Variants in PTPRN2 observed in about 807,000 individuals in gnomAD.
The protein encoded by PTPRN2 is protein tyrosine phosphatase receptor type N2, also known as receptor-type tyrosine-protein phosphatase N2.
Under a neutral mutation model 118.8 loss-of-function variants are expected in PTPRN2, and 74 were observed. That is an observed-to-expected ratio of 0.62 (90% CI 0.52 to 0.76). The LOEUF is 0.76. Among genes scored for constraint, PTPRN2 ranks in the 30% least tolerant of loss-of-function variants. The pLI is 0.00. For missense variants in PTPRN2, 1,481 were observed against 1,394.4 expected (o/e 1.06, Z -0.99); for synonymous variants, 641 against 608.0 (o/e 1.05, Z -0.80).
intron 14 of PTPRN2, among the ~76,000 whole-genome samples, chr7:157,638,109 A>G (rs184301119): frequency 6.6e-6 from 1 of 152,380 alleles, no homozygotes; most frequent in Non-Finnish European, 1.5e-5. Context: ...AAAGGGGAAC[A>G]AAACAACTGA....
rs76232094 is a variant in PTPRN2 at position 157,959,820 on chromosome 7, T to C, written c.1724-61083A>G. Among the ~76,000 whole-genome samples the C allele has an allele frequency of 0.011, 1,710 of 152,356 alleles. 166 individuals carry two copies. The East Asian group carries it at 0.24, about 22-fold the overall frequency. ...ATAGAATTACCATTTGACCCCACAA[T>C]TCCACGTGAGGTAAACACTCAAGTA... On this transcript the variant is annotated intron_variant, in intron 11 of 22. Coordinates refer to ENST00000389418, the MANE Select transcript of PTPRN2 (RefSeq NM_002847.5).
chr7:158,144,182 G>A (rs1414855140), intron 6 of PTPRN2, among the ~76,000 whole-genome samples: 1 of 152,176 alleles, frequency 6.6e-6, no homozygotes, highest in Non-Finnish European at 1.5e-5. Flanking sequence ...AAATGTTCTC[G>A]AATTCGGCAT....
At chr7:158,116,708 G>A (rs906660328) in intron 9 of PTPRN2, among the ~76,000 whole-genome samples, 27 of 152,056 alleles carry the variant, frequency 1.8e-4, no homozygotes, top group African/African-American at 5.6e-4. Context: ...TGACTTACAG[G>A]GGATTTAAAA....
At chr7:158,375,590 C>G (rs894242790) in intron 2 of PTPRN2, among the ~76,000 whole-genome samples, 8 of 152,252 alleles carry the variant, frequency 5.3e-5, no homozygotes, top group African/African-American at 1.7e-4. Flanking sequence ...AGGCCCCGCC[C>G]TCAAGCCTGG....
intron 12 of PTPRN2, among the ~76,000 whole-genome samples, chr7:157,811,020 C>T (rs1442522043): frequency 1.3e-5 from 2 of 152,030 alleles, no homozygotes; most frequent in Non-Finnish European, 2.9e-5. Flanking sequence ...GCCTGTAATC[C>T]TAGCACTTTG....
At chr7:157,724,543 T>C (rs1311150074) in intron 12 of PTPRN2, among the ~76,000 whole-genome samples, 2 of 152,186 alleles carry the variant, frequency 1.3e-5, no homozygotes, top group African/African-American at 4.8e-5. Flanking sequence ...CCGGTGCAAG[T>C]CGAAATGTGC....
chr7:157,849,514 C>T (rs1529838), intron 12 of PTPRN2, among the ~76,000 whole-genome samples: 98,529 of 152,056 alleles, frequency 0.65, 32,910 homozygotes, highest in East Asian at 0.95. Context: ...GAGTGACCAG[C>T]CTGGGCCAAC....
At chr7:158,292,734 T>A (rs1800204806) in intron 3 of PTPRN2, among the ~76,000 whole-genome samples, 1 of 152,214 alleles carries the variant, frequency 6.6e-6, no homozygotes. Flanking sequence ...TATCTGTGTA[T>A]CATCTATACA....
intron 13 of PTPRN2, among the ~76,000 whole-genome samples, chr7:157,667,280 G>A (rs1359829031): frequency 7.0e-6 from 1 of 141,872 alleles, no homozygotes; most frequent in Non-Finnish European, 1.5e-5. Flanking sequence ...CACTCGGCCC[G>A]TGGGACACTG....
intron 2 of PTPRN2, among the ~76,000 whole-genome samples, chr7:158,333,661 G>C (rs10231508): frequency 0.02 from 3,041 of 151,196 alleles, 124 homozygotes; most frequent in African/African-American, 0.071. Context: ...CTCACCATAA[G>C]AGCTGACACC....
chr7:158,444,453 C>T (rs923372576), intron 2 of PTPRN2, among the ~76,000 whole-genome samples: 4 of 152,376 alleles, frequency 2.6e-5, no homozygotes, highest in Middle Eastern at 3.4e-3. Flanking sequence ...CTGCTGCAAA[C>T]GTCAGTTTGA....
At chr7:158,069,675 G>C (rs912336259) in intron 11 of PTPRN2, among the ~76,000 whole-genome samples, 1 of 152,204 alleles carries the variant, frequency 6.6e-6, no homozygotes. Context: ...CTTACTGTCT[G>C]CTTGTAGCCA....
chr7:158,503,699 T>C lies in PTPRN2; in HGVS notation c.113-13914A>G, dbSNP rs1822540452. On this transcript the variant is annotated intron_variant, in intron 1 of 22. Coordinates refer to ENST00000389418, the MANE Select transcript of PTPRN2 (RefSeq NM_002847.5). ...ACTCACTCTGTCTGCACCTGTTCACTTGAAACATTATTGGGAACTGGCCAG... is the reference window on the plus strand; with the variant it reads ...ACTCACTCTGTCTGCACCTGTTCACCTGAAACATTATTGGGAACTGGCCAG... 3.9e-5 allele frequency among the ~76,000 whole-genome samples: 6 copies of C among 152,346 alleles called. No homozygotes were observed. In the South Asian group the frequency reaches 1.2e-3, roughly 32 times the overall value.
intron 1 of PTPRN2, among the ~76,000 whole-genome samples, chr7:158,515,466 C>G (rs1321676757): frequency 3.9e-5 from 6 of 152,168 alleles, no homozygotes; most frequent in African/African-American, 1.4e-4. Flanking sequence ...GGATTACAAG[C>G]GTGAGCCACC....
At chr7:158,578,226 T>C (rs1828441131) in intron 1 of PTPRN2, among the ~76,000 whole-genome samples, 1 of 152,158 alleles carries the variant, frequency 6.6e-6, no homozygotes, top group African/African-American at 2.4e-5. Context: ...TATCTCTTTT[T>C]ATTATACTTT....
At position 158,496,444 on chromosome 7, in the gene PTPRN2, C is replaced by A. The variant is rs1163344534; in HGVS notation, c.113-6659G>T. 2.8e-4 allele frequency among the ~76,000 whole-genome samples: 13 copies of A among 45,804 alleles called. No homozygotes were observed. The East Asian group carries it at 6.6e-3, about 23-fold the overall frequency. The allele number at this position is 45,804 out of a possible 152,430, so 30.0% of individuals were successfully genotyped here. Reference sequence around the variant, plus strand: ...CTGCAGCCTCCCCCTTCCCTGCGCCCCCTCCACCTTCCCTGAGCCGCCCTC... The same window carrying A: ...CTGCAGCCTCCCCCTTCCCTGCGCCACCTCCACCTTCCCTGAGCCGCCCTC... On this transcript the variant is annotated intron_variant, in intron 1 of 22. Transcript: ENST00000389418.
chr7:157,981,818 T>G (rs1178972005), intron 11 of PTPRN2, among the ~76,000 whole-genome samples: 4 of 152,260 alleles, frequency 2.6e-5, no homozygotes, highest in Admixed American at 2.6e-4. Context: ...CAGTTCCCTA[T>G]CATATCAGCC....
intron 10 of PTPRN2, among the ~76,000 whole-genome samples, chr7:158,085,748 A>C (rs111161556): frequency 2.8e-5 from 2 of 71,074 alleles, no homozygotes; most frequent in Admixed American, 1.5e-4. Context: ...ACACCCATCC[A>C]CACATGCCCA....
At chr7:158,347,634 T>TA (rs1450524269) in intron 2 of PTPRN2, among the ~76,000 whole-genome samples, 25 of 152,162 alleles carry the variant, frequency 1.6e-4, no homozygotes, top group East Asian at 9.6e-4. Flanking sequence ...TCTATTTCTG[T>TA]AAAAAAAATG....
Sources: allele counts gnomAD v4.1 joint callset (sites outside exome capture counted in the v4.1 genomes callset), GRCh38; gene constraint gnomAD v4.1.1; transcripts MANE v1.5; gene names NCBI Gene and HGNC (gene_info 2026-07-23, HGNC 2026-07-21).